The following CTDSPL2 variants were observed in gnomAD, a reference collection of about 807,000 sequenced individuals.
The protein encoded by CTDSPL2 is CTD small phosphatase-like protein 2.
CTDSPL2 carries 5 observed loss-of-function variants against 60.0 expected under a neutral mutation model. The observed-to-expected ratio is 0.08, with a 90% confidence interval of 0.04 to 0.18. The LOEUF is 0.18. Ranked by LOEUF, CTDSPL2 falls within the 10% of genes least tolerant of loss-of-function variation. The pLI is 1.00. For synonymous variants in CTDSPL2, 186 were observed against 189.3 expected (o/e 0.98, Z 0.14); for missense variants, 370 against 548.8 (o/e 0.67, Z 3.26).
intron 8 of CTDSPL2, 100 bp from the exon 9 acceptor site, chr15:44,514,498 C>G (rs1347276628): frequency 2.7e-6 from 2 of 754,226 alleles, no homozygotes; most frequent in East Asian, 5.0e-5. Flanking sequence ...AAAACATGAA[C>G]TTTTTCATTA....
At chr15:44,491,561 G>A (rs1202641665) in intron 5 of CTDSPL2, among the ~76,000 whole-genome samples, 1 of 152,190 alleles carries the variant, frequency 6.6e-6, no homozygotes, top group Non-Finnish European at 1.5e-5. Context: ...GAGTACTGTG[G>A]TGGATAGACA....
At chr15:44,449,857 G>C (rs2080298725) in intron 1 of CTDSPL2, among the ~76,000 whole-genome samples, 3 of 152,024 alleles carry the variant, frequency 2.0e-5, no homozygotes, top group Admixed American at 1.3e-4. Context: ...CAGGCATGGT[G>C]GTACATGCCT....
chr15:44,483,069 A>C (rs2081056493), intron 2 of CTDSPL2, among the ~76,000 whole-genome samples: 1 of 151,864 alleles, frequency 6.6e-6, no homozygotes, highest in African/African-American at 2.4e-5. Context: ...GACCAGCCTG[A>C]CCAATATGGT....
chr15:44,504,887 A>C (rs2081434839), intron 8 of CTDSPL2, among the ~76,000 whole-genome samples: 1 of 152,210 alleles, frequency 6.6e-6, no homozygotes, highest in Non-Finnish European at 1.5e-5. Context: ...ACAATAATTC[A>C]ATAATTAATT....
chr15:44,494,484 C>A (rs2081264768), intron 5 of CTDSPL2, among the ~76,000 whole-genome samples: 1 of 151,874 alleles, frequency 6.6e-6, no homozygotes, highest in Non-Finnish European at 1.5e-5. Flanking sequence ...TGTGGTGGTA[C>A]ATCTGTAGTC....
intron 8 of CTDSPL2, among the ~76,000 whole-genome samples, chr15:44,504,946 T>C (rs1359735928): frequency 6.6e-6 from 1 of 152,212 alleles, no homozygotes; most frequent in Non-Finnish European, 1.5e-5. Flanking sequence ...AAAGTCACTT[T>C]CCCATCCTTA....
In CTDSPL2 at chr15:44,432,464, C is replaced by T. The variant is rs535948798; in HGVS notation, c.-25+4692C>T. On this transcript the variant is annotated intron_variant, in intron 1 of 12. Transcript: ENST00000260327. ...CCTCCCAGGTAGCTAGGATTATAGG[C>T]ACACGCCACCATGCTCGGCTAATTT... Among the ~76,000 whole-genome samples, 675 of 138,022 alleles carry T rather than the reference C, an allele frequency of 4.9e-3. 4 individuals carry two copies. Among genetic ancestry groups the T allele is most frequent in the African/African-American group, 0.018 (641 of 36,524 alleles). 90.5% of individuals were successfully genotyped at this position (138,022 alleles called of 152,430 possible). A position where few individuals can be genotyped will look rare whatever the true frequency, so the allele number is the denominator to read the frequency against.
chr15:44,508,075 ATTCTTTTTTT>A (rs934303684), intron 8 of CTDSPL2, among the ~76,000 whole-genome samples: 5 of 150,790 alleles, frequency 3.3e-5, no homozygotes, highest in African/African-American at 7.3e-5. Context: ...GTAGCATCTC[ATTCTTTTTTT>A]TTCTTTTTTT....
intron 2 of CTDSPL2, among the ~76,000 whole-genome samples, chr15:44,481,821 C>T (rs1019466053): frequency 5.9e-5 from 9 of 152,332 alleles, no homozygotes; most frequent in Non-Finnish European, 5.9e-5. Context: ...GATCCGCCTG[C>T]CTCGGCCTCC....
At chr15:44,435,854 G>A (rs910375413) in intron 1 of CTDSPL2, among the ~76,000 whole-genome samples, 2 of 152,028 alleles carry the variant, frequency 1.3e-5, no homozygotes, top group Non-Finnish European at 2.9e-5. Context: ...TGGTCCACCC[G>A]CCTCGGCCTC....
At position 44,459,110 on chromosome 15, in the gene CTDSPL2, T is replaced by C; in HGVS notation, c.96T>C (p.Asp32=). 5 of 1,613,298 alleles carry C rather than the reference T, an allele frequency of 3.1e-6. No homozygotes were observed. In the East Asian group the frequency reaches 8.9e-5, roughly 29 times the overall value. ...RAKRKYSEVD[D]SLPSGGEKPS... ...AGAGGAAATATTCAGAGGTTGATGA[T>C]AGCCTGCCTTCAGGAGGAGAAAAAC... Residue 32 remains aspartate, a synonymous_variant, in exon 2 of 13, where the codon GAT becomes GAC. Coordinates refer to ENST00000260327, the MANE Select transcript of CTDSPL2 (RefSeq NM_016396.3).
At chr15:44,499,191 G>A (rs2081349028) in intron 7 of CTDSPL2, among the ~76,000 whole-genome samples, 1 of 151,982 alleles carries the variant, frequency 6.6e-6, no homozygotes, top group Non-Finnish European at 1.5e-5. Context: ...ATGTTCCTGA[G>A]GTCAGGAGTT....
intron 2 of CTDSPL2, among the ~76,000 whole-genome samples, chr15:44,474,672 A>G (rs1431647970): frequency 1.3e-5 from 2 of 152,052 alleles, no homozygotes; most frequent in African/African-American, 4.8e-5. Context: ...CCTGGCCAAC[A>G]TAGTGAAACT....
At chr15:44,472,903 C>T (rs761271502) in intron 2 of CTDSPL2, among the ~76,000 whole-genome samples, 25 of 152,222 alleles carry the variant, frequency 1.6e-4, no homozygotes, top group East Asian at 3.9e-4. Context: ...TCAGGTGACC[C>T]GCCTGCCTTG....
Position 44,521,334 on chromosome 15 carries a change from A to G in CTDSPL2, c.1263A>G (p.Glu421=), listed in dbSNP as rs146806004. 31 of 1,552,916 alleles carry G rather than the reference A, an allele frequency of 2.0e-5. No individual in the cohort carries two copies. Among genetic ancestry groups the G allele is most frequent in the Non-Finnish European group, 2.5e-5 (28 of 1,129,390 alleles). ...AYQLSNGIPI[E]SWFMDKNDNE... ...AGCTTTCTAATGGAATCCCTATAGA[A>G]AGTTGGTTTATGGATAAAAATGACA... Residue 421 remains glutamate (E), a synonymous_variant, in exon 12 of 13, where the codon GAA becomes GAG. Transcript: ENST00000260327.
At chr15:44,460,484 A>G (rs991590838) in intron 2 of CTDSPL2, among the ~76,000 whole-genome samples, 2 of 152,108 alleles carry the variant, frequency 1.3e-5, no homozygotes, top group Admixed American at 1.3e-4. Flanking sequence ...TGACTTTACT[A>G]TTTTTGTGTT....
At chr15:44,434,982 C>CT (rs2079943955) in intron 1 of CTDSPL2, among the ~76,000 whole-genome samples, 1 of 152,150 alleles carries the variant, frequency 6.6e-6, no homozygotes, top group Non-Finnish European at 1.5e-5. Flanking sequence ...TAACCTTCGA[C>CT]CAGACACAGT....
intron 1 of CTDSPL2, among the ~76,000 whole-genome samples, chr15:44,431,966 C>CA (rs1021314507): frequency 4.6e-5 from 7 of 151,782 alleles, no homozygotes; most frequent in African/African-American, 1.7e-4. Flanking sequence ...TGAAGTGATC[C>CA]ACCCGCCTCA....
chr15:44,450,326 C>T (rs191644805), intron 1 of CTDSPL2, among the ~76,000 whole-genome samples: 1 of 152,126 alleles, frequency 6.6e-6, no homozygotes, highest in Admixed American at 6.5e-5. Flanking sequence ...ACTGCTAGTT[C>T]AAACCACTTT....
Sources: gnomAD v4.1 joint callset for allele counts (sites outside exome capture counted in the v4.1 genomes callset) on GRCh38, gnomAD v4.1.1 for gene constraint, MANE v1.5 for transcripts, NCBI Gene and HGNC (gene_info 2026-07-23, HGNC 2026-07-21) for gene names.